ZNF490: variants seen among roughly 807,000 people sequenced by gnomAD.
ZNF490 encodes the protein zinc finger protein 490.
Under a neutral mutation model 17.7 loss-of-function variants are expected in ZNF490, and 11 were observed. The observed-to-expected ratio is 0.62, with a 90% confidence interval of 0.39 to 1.03. The LOEUF is 1.03. Among genes scored for constraint, ZNF490 ranks in the 50% least tolerant of loss-of-function variants. ZNF490 has a pLI of 0.00. For missense variants in ZNF490, 542 were observed against 643.4 expected (o/e 0.84, Z 1.71); for synonymous variants, 222 against 216.1 (o/e 1.03, Z -0.24).
rs1417606303 is a variant in ZNF490 at position 12,576,799 on chromosome 19, G to A, written c.*3686C>T. ...GCCACTGCACTCCAGCCTGGCAACA[G>A]TGAGAATCCATCTCAAAAAAAAAAA... On this transcript the variant is annotated 3_prime_UTR_variant, in exon 5 of 5. Transcript: ENST00000311437. 1.6e-5 allele frequency among the ~76,000 whole-genome samples: 2 copies of A among 122,102 alleles called. No homozygotes were observed. The highest frequency in any genetic ancestry group is 9.1e-5 in the Admixed American group (1 of 11,040). The allele number at this position is 122,102 out of a possible 152,430, so 80.1% of individuals were successfully genotyped here. A position where few individuals can be genotyped will look rare whatever the true frequency, so the allele number is the denominator to read the frequency against.
Position 12,583,811 on chromosome 19 carries a change from A to ATT in ZNF490, c.163-257_163-256dup, listed in dbSNP as rs879747918. ...TCTCTCTATATATATATATATATAT[A>ATT]TTTTTTTTTTTTTTTTTTTGAAACA... On this transcript the variant is annotated intron_variant, in intron 2 of 4. Transcript: ENST00000311437. Among the ~76,000 whole-genome samples, 329 of 78,598 alleles carry ATT rather than the reference A, an allele frequency of 4.2e-3. 3 individuals are homozygous for ATT. Among genetic ancestry groups the ATT allele is most frequent in the Admixed American group, 0.012 (59 of 4,844 alleles). 51.6% of individuals were successfully genotyped at this position (78,598 alleles called of 152,430 possible).
rs555814337 is a variant in ZNF490 at position 12,603,612 on chromosome 19, G to A, written c.162+5546C>T. ...TTGAGACCAGTCTGGGCAACATGGC[G>A]AAAACCCATCTCTACTAAAAATAGA... On this transcript the variant is annotated intron_variant, in intron 2 of 4. Coordinates refer to ENST00000311437, the MANE Select transcript of ZNF490 (RefSeq NM_020714.3). Among the ~76,000 whole-genome samples the A allele has an allele frequency of 7.2e-5, 11 of 152,082 alleles. No individual in the cohort carries two copies. In the East Asian group the frequency reaches 1.2e-3, roughly 16 times the overall value.
rs536554414 is a variant in ZNF490 at position 12,577,882 on chromosome 19, A to C, written c.*2603T>G. 25 of 985,190 alleles carry C rather than the reference A, an allele frequency of 2.5e-5. No homozygotes were observed. In the Admixed American group the frequency reaches 9.8e-4, roughly 39 times the overall value. 61.0% of individuals were successfully genotyped at this position (985,190 alleles called of 1,614,324 possible). A position where few individuals can be genotyped will look rare whatever the true frequency, so the allele number is the denominator to read the frequency against. ...TAAAACACACTGACTTGCTAAGAAA[A>C]GGGGGGACTGACTCCAACAAAGGAC... On this transcript the variant is annotated 3_prime_UTR_variant, in exon 5 of 5. Transcript: ENST00000311437.
chr19:12,580,419 G>T lies in ZNF490; in HGVS notation c.*66C>A. ...TTTACATTCCTTGAATTTCTCTCCA[G>T]CGTAAGTACTCTCATACATCCAAAA... On this transcript the variant is annotated 3_prime_UTR_variant, in exon 5 of 5. Transcript: ENST00000311437. The T allele has an allele frequency of 6.6e-7, 1 of 1,513,876 alleles. No individual in the cohort carries two copies. The allele number at this position is 1,513,876 out of a possible 1,614,324, so 93.8% of individuals were successfully genotyped here.
intron 2 of ZNF490, among the ~76,000 whole-genome samples, chr19:12,596,842 A>T (rs2022939910): frequency 6.6e-6 from 1 of 152,128 alleles, no homozygotes; most frequent in Non-Finnish European, 1.5e-5. Context: ...TCACAGGTGG[A>T]TTCACCTTAA....
chr19:12,580,349 A>C lies in ZNF490; in HGVS notation c.*136T>G. 6.8e-7 allele frequency: 1 copy of C among 1,462,272 alleles called. No individual in the cohort carries two copies. The highest frequency in any genetic ancestry group is 1.6e-5 in the South Asian group (1 of 62,280). 90.6% of individuals were successfully genotyped at this position (1,462,272 alleles called of 1,614,324 possible). A position where few individuals can be genotyped will look rare whatever the true frequency, so the allele number is the denominator to read the frequency against. On this transcript the variant is annotated 3_prime_UTR_variant, in exon 5 of 5. Transcript: ENST00000311437. ...TAAATATTTCATTGCCGCATGAGTCACGTCTTCAAAGGGAATTAGGACAAC... is the reference window on the plus strand; with the variant it reads ...TAAATATTTCATTGCCGCATGAGTCCCGTCTTCAAAGGGAATTAGGACAAC...
At chr19:12,605,976 G>A (rs2023063759) in intron 2 of ZNF490, among the ~76,000 whole-genome samples, 1 of 151,898 alleles carries the variant, frequency 6.6e-6, no homozygotes, top group South Asian at 2.1e-4. Flanking sequence ...CACCTCCCGG[G>A]TTCAAGCAAT....
chr19:12,610,537 TACA>T, intron 1 of ZNF490, 24 bp downstream of exon 1: 5 of 1,577,484 alleles, frequency 3.2e-6, no homozygotes, highest in Non-Finnish European at 4.4e-6. Context: ...CGAGAGGCCT[TACA>T]ACATTATGCC....
At chr19:12,583,791 C>CTCTATATA (rs1315571249) in intron 2 of ZNF490, among the ~76,000 whole-genome samples, 5 of 68,134 alleles carry the variant, frequency 7.3e-5, no homozygotes, top group Non-Finnish European at 1.2e-4. Context: ...CTCTCTCTCT[C>CTCTATATA]TATATATATA....
intron 2 of ZNF490, among the ~76,000 whole-genome samples, chr19:12,589,542 G>C (rs1453778739): frequency 6.7e-6 from 1 of 150,034 alleles, no homozygotes; most frequent in Non-Finnish European, 1.5e-5. Flanking sequence ...TAGCAAACTA[G>C]GAATAGAAGG....
rs568991822 is a variant in ZNF490 at position 12,583,075 on chromosome 19, G to T, written c.290-165C>A. ...TTTTTTTTTTTTGAGACAGAGTCTC[G>T]CTGTTGCCCAGGCTGGAGTGCAATG... On this transcript the variant is annotated intron_variant, in intron 3 of 4. Transcript: ENST00000311437. Among the ~76,000 whole-genome samples, 33 of 146,094 alleles carry T rather than the reference G, an allele frequency of 2.3e-4. No homozygotes were observed. The South Asian group carries it at 6.0e-3, about 27-fold the overall frequency.
rs193231395 is a variant in ZNF490, at chr19:12,606,620, C to T, written c.162+2538G>A. On this transcript the variant is annotated intron_variant, in intron 2 of 4. Transcript: ENST00000311437. ...TCAGCCTCCCAAAGTGCTAGGATTA[C>T]AGGTGTGAGCCACTGCACCTGGCCA... Among the ~76,000 whole-genome samples the T allele has an allele frequency of 2.7e-4, 41 of 152,216 alleles. No homozygotes were observed. The East Asian group carries it at 7.3e-3, about 27-fold the overall frequency.
chr19:12,590,829 G>A (rs2022861214), intron 2 of ZNF490, among the ~76,000 whole-genome samples: 1 of 151,498 alleles, frequency 6.6e-6, no homozygotes, highest in Admixed American at 6.6e-5. Flanking sequence ...TGTAATCCCA[G>A]CACTTTGGGA....
At position 12,610,739 on chromosome 19, in the gene ZNF490, G is replaced by A; in HGVS notation, c.-59C>T. On this transcript the variant is annotated 5_prime_UTR_variant, in exon 1 of 5. Coordinates refer to ENST00000311437, the MANE Select transcript of ZNF490 (RefSeq NM_020714.3). ...ACTTCCGTGTCCGACCCGAGATCCG[G>A]AACAATTTCTGCTTCAACACAATTG... The A allele has an allele frequency of 2.6e-6, 4 of 1,537,528 alleles. No homozygotes were observed. The highest frequency in any genetic ancestry group is 1.4e-5 in the African/African-American group (1 of 73,632).
In ZNF490 at chr19:12,578,963, T is replaced by G. The variant is rs1331759535; in HGVS notation, c.*1522A>C. ...TGTGGGTGGTTTCATGGTTTTAAAATGAACTGGAGGCCGGGCGCGGTGGCT... is the reference window on the plus strand; with the variant it reads ...TGTGGGTGGTTTCATGGTTTTAAAAGGAACTGGAGGCCGGGCGCGGTGGCT... On this transcript the variant is annotated 3_prime_UTR_variant, in exon 5 of 5. Coordinates refer to ENST00000311437, the MANE Select transcript of ZNF490 (RefSeq NM_020714.3). 8.1e-5 allele frequency: 80 copies of G among 985,324 alleles called. No homozygotes were observed. Among genetic ancestry groups the G allele is most frequent in the Non-Finnish European group, 9.3e-5 (77 of 830,010 alleles). The allele number at this position is 985,324 out of a possible 1,614,324, so 61.0% of individuals were successfully genotyped here.
intron 2 of ZNF490, among the ~76,000 whole-genome samples, chr19:12,602,127 C>CACACACATAT (rs35798638): frequency 9.2e-5 from 13 of 141,986 alleles, no homozygotes; most frequent in East Asian, 2.0e-4. Flanking sequence ...CACACACACA[C>CACACACATAT]ATATATGGGC....
rs1284046952 is a variant in ZNF490 at position 12,577,654 on chromosome 19, C to T, written c.*2831G>A. On this transcript the variant is annotated 3_prime_UTR_variant, in exon 5 of 5. Transcript: ENST00000311437. ...ATCTGCCAGCAAACCTTGCTCCAGT[C>T]GGCCTCTGGACCCTAGTATCTTCAC... The T allele has an allele frequency of 1.1e-5, 11 of 985,350 alleles. No homozygotes were observed. The Admixed American group carries it at 1.8e-4, about 17-fold the overall frequency. The allele number at this position is 985,350 out of a possible 1,614,324, so 61.0% of individuals were successfully genotyped here.
At chr19:12,583,156 C>G (rs1315679051) in intron 3 of ZNF490, among the ~76,000 whole-genome samples, 1 of 152,020 alleles carries the variant, frequency 6.6e-6, no homozygotes, top group Non-Finnish European at 1.5e-5. Flanking sequence ...ATTCTCCTGC[C>G]TCAGCCTCCT....
At chr19:12,606,061 G>A (rs1226807476) in intron 2 of ZNF490, among the ~76,000 whole-genome samples, 2 of 151,816 alleles carry the variant, frequency 1.3e-5, no homozygotes, top group Admixed American at 6.6e-5. Flanking sequence ...TGTATTTTTA[G>A]TAGAAACAGG....
Sources: gnomAD v4.1 joint callset for allele counts (sites outside exome capture counted in the v4.1 genomes callset) on GRCh38, gnomAD v4.1.1 for gene constraint, MANE v1.5 for transcripts, NCBI Gene and HGNC (gene_info 2026-07-23, HGNC 2026-07-21) for gene names.